Variants in NRXN2 observed in about 807,000 individuals in gnomAD.
NRXN2 encodes neurexin-2-beta.
Under a neutral mutation model 128.8 loss-of-function variants are expected in NRXN2, and 29 were observed. The observed-to-expected ratio is 0.23, with a 90% CI of 0.17 to 0.31. NRXN2 has a LOEUF of 0.31. NRXN2 is among the 10% of genes least tolerant of loss of function. The pLI, the probability that NRXN2 is intolerant of heterozygous loss-of-function variation, is 1.00. For missense variants in NRXN2, 1,881 were observed against 2,452.6 expected (o/e 0.77, Z 4.92); for synonymous variants, 1,098 against 1,075.2 (o/e 1.02, Z -0.41).
Position 64,607,848 on chromosome 11 carries a change from G to C in NRXN2, c.4487C>G (p.Ala1496Gly), listed in dbSNP as rs2039912607. ...CEEPIEASGFASGEVFDSSLP... is the reference protein window; with the variant it reads ...CEEPIEASGFGSGEVFDSSLP... ...GCTGGAGTCAAAGACCTCCCCGGAGGCGAAGCCCGAGGCCTCGATGGGCTC... is the reference window on the plus strand; with the variant it reads ...GCTGGAGTCAAAGACCTCCCCGGAGCCGAAGCCCGAGGCCTCGATGGGCTC... Residue 1496 changes from alanine (A) to glycine (G), a missense_variant, in exon 23 of 23, where the codon GCC (alanine) becomes GGC (glycine). Ala to Gly is a moderately conservative substitution (Grantham distance 60, BLOSUM62 0). Coordinates refer to ENST00000265459, the MANE Select transcript of NRXN2 (RefSeq NM_015080.4). 1 of 1,598,916 alleles carries C rather than the reference G, an allele frequency of 6.3e-7. No homozygotes were observed. Among genetic ancestry groups the C allele is most frequent in the East Asian group, 2.3e-5 (1 of 43,994 alleles).
rs753478254 is a variant in NRXN2, at chr11:64,607,628, G to A, written c.4707C>T (p.Asp1569=). 46 of 1,533,614 alleles carry A rather than the reference G, an allele frequency of 3.0e-5. No homozygotes were observed. Among genetic ancestry groups the A allele is most frequent in the Non-Finnish European group, 4.0e-5 (46 of 1,142,010 alleles). The part of the protein sequence containing the change: ...NLPAGKMNHR[D]PLQPLLENPP... Reference sequence around the variant, plus strand: ...GGTTCTCCAGCAAGGGCTGAAGCGGGTCTCGGTGGTTCATTTTGCCCGCCG... The same window carrying A: ...GGTTCTCCAGCAAGGGCTGAAGCGGATCTCGGTGGTTCATTTTGCCCGCCG... The change falls in exon 23 of 23, where the codon GAC becomes GAT. Residue 1569 remains aspartate (D), a synonymous_variant. Transcript: ENST00000265459.
chr11:64,648,483 G>T lies in NRXN2; in HGVS notation c.3284-145C>A. 2 of 1,353,632 alleles carry T rather than the reference G, an allele frequency of 1.5e-6. No homozygotes were observed. The highest frequency in any genetic ancestry group is 2.1e-6 in the Non-Finnish European group (2 of 969,336). 83.9% of individuals were successfully genotyped at this position (1,353,632 alleles called of 1,614,324 possible). ...GGGCCAAGTACTGATGACAGGGATT[G>T]GGGCAGGAGGGTCAGGTCTGCTAGG... On this transcript the variant is annotated intron_variant, in intron 16 of 22. Coordinates refer to ENST00000265459, the MANE Select transcript of NRXN2 (RefSeq NM_015080.4). The surrounding 1 kb of genome is among the most constrained non-coding windows in gnomAD (Gnocchi z 4.1).
intron 3 of NRXN2, among the ~76,000 whole-genome samples, chr11:64,696,538 C>T (rs1332101318): frequency 6.7e-6 from 1 of 149,620 alleles, no homozygotes; most frequent in African/African-American, 2.5e-5. Context: ...TACACACACA[C>T]ACACACACAC....
chr11:64,619,879 T>C (rs2042054948), intron 22 of NRXN2, among the ~76,000 whole-genome samples: 1 of 152,122 alleles, frequency 6.6e-6, no homozygotes, highest in Admixed American at 6.5e-5. Context: ...ACTAGTGGCC[T>C]AGAGAGCACC....
chr11:64,657,563 T>G (rs973218816), intron 11 of NRXN2, among the ~76,000 whole-genome samples: 1 of 152,102 alleles, frequency 6.6e-6, no homozygotes, highest in Non-Finnish European at 1.5e-5. Context: ...ACCACAGACG[T>G]AGGCAGAGTG....
Position 64,623,902 on chromosome 11 carries a change from A to G in NRXN2, c.3848-824T>C, listed in dbSNP as rs1052367421. 1 of 152,226 alleles carries G rather than the reference A, an allele frequency of 6.6e-6. No individual in the cohort carries two copies. Among genetic ancestry groups the G allele is most frequent in the African/African-American group, 2.4e-5 (1 of 41,548 alleles). 9.4% of individuals were successfully genotyped at this position (152,226 alleles called of 1,614,324 possible). ...TCCAGTATGACACCTCAGAATTCCC[A>G]GCTGGGTGGGGTTGGGCTGTTCTGT... On this transcript the variant is annotated intron_variant, in intron 20 of 22. Coordinates refer to ENST00000265459, the MANE Select transcript of NRXN2 (RefSeq NM_015080.4). This position sits in a 1 kb window ranked among gnomAD's most constrained non-coding sequence, Gnocchi z 4.9.
intron 6 of NRXN2, among the ~76,000 whole-genome samples, chr11:64,679,067 CTG>C (rs2051772986): frequency 6.6e-6 from 1 of 152,148 alleles, no homozygotes; most frequent in South Asian, 2.1e-4. Flanking sequence ...AGGATTAGTA[CTG>C]GTGGCTGGTA....
At chr11:64,697,643 C>A in intron 3 of NRXN2, 132 bp downstream of exon 3, 1 of 1,051,702 alleles carries the variant, frequency 9.5e-7, no homozygotes, top group Non-Finnish European at 1.5e-6. Flanking sequence ...AGGGAGGACC[C>A]CAGACATCCT....
chr11:64,674,529 C>T (rs1302980671), intron 7 of NRXN2, among the ~76,000 whole-genome samples: 1 of 152,198 alleles, frequency 6.6e-6, no homozygotes, highest in Non-Finnish European at 1.5e-5. Context: ...CCTCAAGTAG[C>T]TGGGATTACA....
At chr11:64,618,744 G>T (rs149176546) in intron 22 of NRXN2, among the ~76,000 whole-genome samples, 3 of 152,182 alleles carry the variant, frequency 2.0e-5, no homozygotes, top group Non-Finnish European at 2.9e-5. Context: ...AGAGAGGAAG[G>T]CATCTGACCC....
At position 64,607,011 on chromosome 11, in the gene NRXN2, T is replaced by C. The variant is rs1164250000; in HGVS notation, c.*185A>G. The C allele has an allele frequency of 3.1e-6, 2 of 650,014 alleles. No homozygotes were observed. The highest frequency in any genetic ancestry group is 5.2e-6 in the Non-Finnish European group (2 of 385,742). 40.3% of individuals were successfully genotyped at this position (650,014 alleles called of 1,614,324 possible). On this transcript the variant is annotated 3_prime_UTR_variant, in exon 23 of 23. Transcript: ENST00000265459. The stretch of plus-strand genomic sequence containing the variant: ...CCCCGGGACTGACGAGGCCGCGCAG[T>C]GGACGGCAGGAGGAAGGGGGCGAGC...
At chr11:64,664,478 CAAA>C (rs11378464) in intron 9 of NRXN2, among the ~76,000 whole-genome samples, 24 of 98,642 alleles carry the variant, frequency 2.4e-4, no homozygotes, top group African/African-American at 4.1e-4. Flanking sequence ...AACTCCGTGT[CAAA>C]AAAAAAAAAA....
chr11:64,648,477 G>A lies in NRXN2; in HGVS notation c.3284-139C>T, dbSNP rs1025359069. ...CTGAAAGGGCCAAGTACTGATGACA[G>A]GGATTGGGGCAGGAGGGTCAGGTCT... is the stretch of plus-strand genomic sequence containing the variant. On this transcript the variant is annotated intron_variant, in intron 16 of 22. Coordinates refer to ENST00000265459, the MANE Select transcript of NRXN2 (RefSeq NM_015080.4). The surrounding 1 kb of genome is among the most constrained non-coding windows in gnomAD (Gnocchi z 4.1). 1.1e-5 allele frequency: 15 copies of A among 1,403,874 alleles called. No individual in the cohort carries two copies. In the African/African-American group the frequency reaches 2.1e-4, roughly 20 times the overall value. 87.0% of individuals were successfully genotyped at this position (1,403,874 alleles called of 1,614,324 possible).
Position 64,622,748 on chromosome 11 carries a change from C to A in NRXN2, c.4173+5G>T. On this transcript the variant is annotated splice_donor_5th_base_variant and intron_variant, in intron 21 of 22. Coordinates refer to ENST00000265459, the MANE Select transcript of NRXN2 (RefSeq NM_015080.4). The surrounding 1 kb of genome is among the most constrained non-coding windows in gnomAD (Gnocchi z 4.3). ...CCTAATCCACCAGCCAGAGTGGGGC[C>A]TCACCTGGGTGGTGCTGTCCCTCAG... 6.2e-7 allele frequency: 1 copy of A among 1,604,318 alleles called. No homozygotes were observed. Among genetic ancestry groups the A allele is most frequent in the Non-Finnish European group, 8.5e-7 (1 of 1,175,502 alleles).
chr11:64,626,386 G>C, intron 20 of NRXN2, 77 bp downstream of exon 20: 1 of 1,209,774 alleles, frequency 8.3e-7, no homozygotes, highest in Non-Finnish European at 1.2e-6. Flanking sequence ...GGCACGGAGG[G>C]GGAAAGAGAG....
chr11:64,713,174 G>T lies in NRXN2; in HGVS notation c.526C>A (p.Arg176Ser), dbSNP rs1182531545. Reference sequence around the variant, plus strand: ...AGCTTCAGGTTGGCCAAGAGGCCGCGGAAGGGCGGCTCGTACTTGACGGTG... The same window carrying T: ...AGCTTCAGGTTGGCCAAGAGGCCGCTGAAGGGCGGCTCGTACTTGACGGTG... ...LSTVKYEPPF[R>S]GLLANLKLGE... The change falls in exon 2 of 23, where the codon CGC becomes AGC. Residue 176 changes from arginine to serine, a missense_variant. By Grantham distance (110) the Arg-to-Ser change is moderately radical (BLOSUM62 -1). Transcript: ENST00000265459. 6.8e-7 allele frequency: 1 copy of T among 1,463,208 alleles called. No individual in the cohort carries two copies. Among genetic ancestry groups the T allele is most frequent in the Non-Finnish European group, 9.0e-7 (1 of 1,110,784 alleles). The allele number at this position is 1,463,208 out of a possible 1,614,324, so 90.6% of individuals were successfully genotyped here.
At chr11:64,709,516 G>A (rs1007944223) in intron 2 of NRXN2, among the ~76,000 whole-genome samples, 4 of 152,090 alleles carry the variant, frequency 2.6e-5, no homozygotes, top group Admixed American at 1.3e-4. Context: ...GAAAAGAAGG[G>A]AATCAGTAGG....
chr11:64,701,997 G>T (rs1409335958), intron 2 of NRXN2, among the ~76,000 whole-genome samples: 39 of 148,590 alleles, frequency 2.6e-4, no homozygotes, highest in Middle Eastern at 3.5e-3. Context: ...GTCCGGGAGG[G>T]AGGTGGGGGG....
Position 64,632,870 on chromosome 11 carries a change from T to C in NRXN2, c.3586-2297A>G, listed in dbSNP as rs1016708607. 5.9e-5 allele frequency among the ~76,000 whole-genome samples: 9 copies of C among 152,244 alleles called. No individual in the cohort carries two copies. The highest frequency in any genetic ancestry group is 2.2e-4 in the African/African-American group (9 of 41,462). On this transcript the variant is annotated intron_variant, in intron 18 of 22. Transcript: ENST00000265459. The surrounding 1 kb of genome is among the most constrained non-coding windows in gnomAD (Gnocchi z 4.2). ...TAATTTGGCAAAGTGGAGCGACGCT[T>C]TATTAGAAACGTCAAATTGCTTTTC...
Sources: allele counts gnomAD v4.1 joint callset (sites outside exome capture counted in the v4.1 genomes callset), GRCh38; gene constraint gnomAD v4.1.1; non-coding constraint Gnocchi (gnomAD v3.1); transcripts MANE v1.5; gene names NCBI Gene and HGNC (gene_info 2026-07-23, HGNC 2026-07-21).